The following AGBL1 variants were observed in gnomAD, a reference collection of about 807,000 sequenced individuals.
AGBL1 encodes cytosolic carboxypeptidase 4.
Under a neutral mutation model 118.9 loss-of-function variants are expected in AGBL1, and 130 were observed. The ratio of observed to expected loss-of-function variants is 1.09; its 90% CI spans 0.95 to 1.26. The LOEUF is 1.26. Ranked by LOEUF, AGBL1 falls within the 50% of genes most tolerant of loss-of-function variation. The pLI is 0.00. For missense variants in AGBL1, 1,584 were observed against 1,298.1 expected (o/e 1.22, Z -3.38); for synonymous variants, 555 against 478.9 (o/e 1.16, Z -2.08).
At chr15:86,721,356 A>C (rs551652081) in intron 22 of AGBL1, among the ~76,000 whole-genome samples, 144 of 152,356 alleles carry the variant, frequency 9.5e-4, no homozygotes, top group African/African-American at 3.4e-3. Context: ...TATGCAAATC[A>C]ATAAACATAA....
intron 22 of AGBL1, among the ~76,000 whole-genome samples, chr15:86,682,359 A>C (rs74025418): frequency 0.04 from 6,148 of 152,302 alleles, 411 homozygotes; most frequent in African/African-American, 0.14. Context: ...TTGTTTCATT[A>C]GCTGTTAAAA....
intron 23 of AGBL1, chr15:86,987,937 T>A (rs1390448931): frequency 6.3e-7 from 1 of 1,583,550 alleles, no homozygotes; most frequent in Non-Finnish European, 8.6e-7. Context: ...TATGTGACAC[T>A]ATGGTTTATT....
intron 18 of AGBL1, among the ~76,000 whole-genome samples, chr15:86,498,888 C>T (rs898701630): frequency 1.2e-4 from 18 of 151,828 alleles, no homozygotes; most frequent in Middle Eastern, 3.2e-3. Flanking sequence ...ATTTTCCTTT[C>T]CGTATTACTC....
At chr15:86,172,167 C>A (rs1384261764) in intron 5 of AGBL1, among the ~76,000 whole-genome samples, 2 of 152,078 alleles carry the variant, frequency 1.3e-5, no homozygotes, top group Non-Finnish European at 2.9e-5. Context: ...ATCACCTGTT[C>A]TCCAAAAACC....
chr15:86,959,477 T>C (rs1230036212), intron 23 of AGBL1, among the ~76,000 whole-genome samples: 1 of 152,088 alleles, frequency 6.6e-6, no homozygotes, highest in African/African-American at 2.4e-5. Context: ...ACTTGCAATA[T>C]GCACTTTCCA....
chr15:86,483,762 T>C (rs1287721677), intron 18 of AGBL1, among the ~76,000 whole-genome samples: 1 of 152,112 alleles, frequency 6.6e-6, no homozygotes, highest in Non-Finnish European at 1.5e-5. Flanking sequence ...AAAAGTTTCA[T>C]TGGTTTTTGA....
At chr15:86,520,700 G>A (rs114146166) in intron 18 of AGBL1, among the ~76,000 whole-genome samples, 87 of 152,158 alleles carry the variant, frequency 5.7e-4, no homozygotes, top group African/African-American at 2.0e-3. Context: ...AACTAATTTC[G>A]TCACAGTCAG....
intron 18 of AGBL1, among the ~76,000 whole-genome samples, chr15:86,440,443 A>C (rs1361591704): frequency 6.6e-6 from 1 of 151,362 alleles, no homozygotes; most frequent in Non-Finnish European, 1.5e-5. Flanking sequence ...TCAAGGGCTA[A>C]ATTGACATGT....
rs200685146 is a variant in AGBL1 at position 86,103,858 on chromosome 15, A to C, written c.51+23835A>C. ...CCAGGTGGCTTGCTGACTTGCTCAG[A>C]TGCAAGCAATGACAGCAATGGGCCA... On this transcript the variant is annotated intron_variant, in intron 1 of 22. Transcript: ENST00000614907. Among the ~76,000 whole-genome samples the C allele has an allele frequency of 8.5e-5, 13 of 152,288 alleles. No homozygotes were observed. In the East Asian group the frequency reaches 2.5e-3, roughly 29 times the overall value.
chr15:86,308,850 A>G (rs976774675), intron 17 of AGBL1, among the ~76,000 whole-genome samples: 1 of 152,156 alleles, frequency 6.6e-6, no homozygotes. Flanking sequence ...AAAATCAGGT[A>G]TTGTGATGTC....
chr15:86,600,314 C>T (rs1484802599), intron 21 of AGBL1, among the ~76,000 whole-genome samples: 2 of 152,134 alleles, frequency 1.3e-5, no homozygotes, highest in African/African-American at 4.8e-5. Context: ...TTGAGTTTCT[C>T]CACTGTGCAC....
intron 22 of AGBL1, among the ~76,000 whole-genome samples, chr15:86,781,151 A>G (rs1567171069): frequency 6.6e-6 from 1 of 151,692 alleles, no homozygotes. Flanking sequence ...ATAGAGATGA[A>G]TTTTTTTTCA....
chr15:86,524,278 C>T (rs1294269386), intron 19 of AGBL1, among the ~76,000 whole-genome samples: 1 of 152,200 alleles, frequency 6.6e-6, no homozygotes, highest in Non-Finnish European at 1.5e-5. Flanking sequence ...AGCTCCATGA[C>T]TATCCGCAGG....
intron 5 of AGBL1, among the ~76,000 whole-genome samples, chr15:86,223,991 A>G (rs1305643329): frequency 6.6e-6 from 1 of 152,032 alleles, no homozygotes; most frequent in African/African-American, 2.4e-5. Flanking sequence ...TGGGATTGGG[A>G]TCCCAGCTCT....
chr15:86,698,862 G>A (rs1374366844), intron 22 of AGBL1, among the ~76,000 whole-genome samples: 1 of 151,762 alleles, frequency 6.6e-6, no homozygotes, highest in Non-Finnish European at 1.5e-5. Flanking sequence ...AGGTTGTGAA[G>A]GTTAAGATCA....
chr15:86,176,006 T>C lies in AGBL1; in HGVS notation c.488+16980T>C, dbSNP rs371756901. On this transcript the variant is annotated intron_variant, in intron 5 of 22. Transcript: ENST00000614907. Reference sequence around the variant, plus strand: ...CTGTAAATGTTAGGTCTACGTGTTCTCAGGTGCAGTCTAAATCCAATGTTT... The same window carrying C: ...CTGTAAATGTTAGGTCTACGTGTTCCCAGGTGCAGTCTAAATCCAATGTTT... Among the ~76,000 whole-genome samples, 264 of 152,356 alleles carry C rather than the reference T, an allele frequency of 1.7e-3. 4 individuals are homozygous for C. In the South Asian group the frequency reaches 0.05, roughly 29 times the overall value.
intron 18 of AGBL1, among the ~76,000 whole-genome samples, chr15:86,444,777 A>C (rs538033951): frequency 4.6e-5 from 7 of 152,268 alleles, no homozygotes; most frequent in African/African-American, 1.7e-4. Context: ...GCACAAGACA[A>C]GGGGCCACCC....
chr15:86,996,565 G>A (rs911436271), intron 24 of AGBL1, among the ~76,000 whole-genome samples: 7 of 152,182 alleles, frequency 4.6e-5, no homozygotes, highest in African/African-American at 1.7e-4. Flanking sequence ...AGGTGCCACT[G>A]TACTCCAGCC....
Position 86,991,084 on chromosome 15 carries a change from C to T in AGBL1, c.3323+2996C>T, listed in dbSNP as rs370234509. ...TACCTAGGCTCTCTGATCCTGAGAC[C>T]TGCAATGTAGTTTTTTATAATAGAC... is the stretch of plus-strand genomic sequence containing the variant. On this transcript the variant is annotated intron_variant, in intron 24 of 24. Transcript: ENST00000441037. 1.4e-4 allele frequency among the ~76,000 whole-genome samples: 21 copies of T among 152,270 alleles called. No homozygotes were observed. The South Asian group carries it at 3.9e-3, about 29-fold the overall frequency.
Sources: allele counts gnomAD v4.1 joint callset (sites outside exome capture counted in the v4.1 genomes callset), GRCh38; gene constraint gnomAD v4.1.1; transcripts MANE v1.5; gene names NCBI Gene and HGNC (gene_info 2026-07-23, HGNC 2026-07-21).